Variants in RBM20 observed in about 807,000 individuals in gnomAD.
RBM20 encodes RNA-binding protein 20.
Under a neutral mutation model 110.1 loss-of-function variants are expected in RBM20, and 51 were observed. The observed-to-expected ratio is 0.46, with a 90% CI of 0.37 to 0.59. The LOEUF is 0.59. Among genes scored for constraint, RBM20 ranks in the 20% least tolerant of loss-of-function variants. The pLI, the probability that RBM20 is intolerant of heterozygous loss-of-function variation, is 0.00. For synonymous variants in RBM20, 589 were observed against 618.2 expected (o/e 0.95, Z 0.70); for missense variants, 1,512 against 1,574.9 (o/e 0.96, Z 0.68).
intron 1 of RBM20, among the ~76,000 whole-genome samples, chr10:110,750,220 A>T (rs923675966): frequency 1.3e-5 from 2 of 152,232 alleles, no homozygotes; most frequent in African/African-American, 2.4e-5. Flanking sequence ...TGTTTAAAAA[A>T]TTTTTAAGAC....
rs1009554953 is a variant in RBM20, at chr10:110,678,111, G to T, written c.191+33466G>T. Among the ~76,000 whole-genome samples the T allele has an allele frequency of 6.6e-5, 10 of 152,042 alleles. No individual in the cohort carries two copies. In the East Asian group the frequency reaches 1.9e-3, roughly 29 times the overall value. On this transcript the variant is annotated intron_variant, in intron 1 of 13. Coordinates refer to ENST00000369519, the MANE Select transcript of RBM20 (RefSeq NM_001134363.3). ...TAGGTAACTATAAAACATAAACTGG[G>T]ATAAATAATATTAAGGAAAAGAAAG...
chr10:110,773,674 C>T (rs1844222770), intron 1 of RBM20, among the ~76,000 whole-genome samples: 1 of 152,154 alleles, frequency 6.6e-6, no homozygotes, highest in South Asian at 2.1e-4. Flanking sequence ...TAAGTCTTTC[C>T]TGTGATGACA....
At chr10:110,788,631 G>T (rs1401875978) in intron 5 of RBM20, among the ~76,000 whole-genome samples, 1 of 152,218 alleles carries the variant, frequency 6.6e-6, no homozygotes, top group Admixed American at 6.5e-5. Context: ...AGGTGTATCT[G>T]TCTTGAGGAA....
chr10:110,760,219 T>C (rs1590659588), intron 1 of RBM20, among the ~76,000 whole-genome samples: 1 of 152,182 alleles, frequency 6.6e-6, no homozygotes, highest in South Asian at 2.1e-4. Context: ...GTGCTTTGGC[T>C]TCATGTGTAA....
intron 12 of RBM20, among the ~76,000 whole-genome samples, chr10:110,825,663 T>A (rs574641389): frequency 6.6e-6 from 1 of 152,338 alleles, no homozygotes; most frequent in Non-Finnish European, 1.5e-5. Context: ...AAATATTCCA[T>A]CGTAAAAGCT....
chr10:110,798,053 C>T (rs1400881030), intron 6 of RBM20, among the ~76,000 whole-genome samples: 1 of 152,198 alleles, frequency 6.6e-6, no homozygotes, highest in East Asian at 1.9e-4. Context: ...CAGCCAAGAA[C>T]TTGGGACTAG....
In RBM20 at chr10:110,698,079, T is replaced by C. The variant is rs182115842; in HGVS notation, c.191+53434T>C. Among the ~76,000 whole-genome samples the C allele has an allele frequency of 3.9e-5, 6 of 152,216 alleles. No homozygotes were observed. In the East Asian group the frequency reaches 1.2e-3, roughly 29 times the overall value. ...CCCACCAACACGCCCGGCTAATTTT[T>C]TTGTATTTTTAGTAGAGACGGGGTT... is the stretch of plus-strand genomic sequence containing the variant. On this transcript the variant is annotated intron_variant, in intron 1 of 13. Coordinates refer to ENST00000369519, the MANE Select transcript of RBM20 (RefSeq NM_001134363.3).
intron 1 of RBM20, among the ~76,000 whole-genome samples, chr10:110,745,014 G>C (rs910738108): frequency 6.6e-6 from 1 of 152,190 alleles, no homozygotes; most frequent in Non-Finnish European, 1.5e-5. Flanking sequence ...CCCTGGGGGT[G>C]CTGGCATCTT....
rs746776894 is a variant in RBM20 at position 110,781,008 on chromosome 10, C to T, written c.399C>T (p.Leu133=). 7 of 1,551,790 alleles carry T rather than the reference C, an allele frequency of 4.5e-6. No individual in the cohort carries two copies. The African/African-American group carries it at 9.6e-5, about 21-fold the overall frequency. Residue 133 remains leucine, a synonymous_variant, in exon 2 of 14, where the codon CTC becomes CTT. Coordinates refer to ENST00000369519, the MANE Select transcript of RBM20 (RefSeq NM_001134363.3). ...VLSKVAMSQP[L]FNQLRHPSVI... is the part of the protein sequence containing the mutation. ...CCAAAGTGGCCATGTCCCAGCCTCT[C>T]TTCAATCAACTGAGGCATCCGTCTG...
At chr10:110,746,100 A>G (rs1843776697) in intron 1 of RBM20, among the ~76,000 whole-genome samples, 1 of 152,180 alleles carries the variant, frequency 6.6e-6, no homozygotes. Flanking sequence ...GCTGGAATTC[A>G]TATGCGTGGG....
At chr10:110,733,072 T>G (rs1359637214) in intron 1 of RBM20, among the ~76,000 whole-genome samples, 1 of 152,168 alleles carries the variant, frequency 6.6e-6, no homozygotes, top group East Asian at 1.9e-4. Context: ...CCTTTCTGTC[T>G]CTGTCTCAGC....
At chr10:110,830,537 G>A (rs1230315889) in intron 12 of RBM20, among the ~76,000 whole-genome samples, 3 of 152,130 alleles carry the variant, frequency 2.0e-5, no homozygotes, top group Admixed American at 1.3e-4. Flanking sequence ...TTAATTATGT[G>A]GAAGAAAATA....
At chr10:110,671,099 C>A (rs946898551) in intron 1 of RBM20, among the ~76,000 whole-genome samples, 16 of 152,196 alleles carry the variant, frequency 1.1e-4, no homozygotes, top group African/African-American at 2.4e-5. Context: ...GGCCTAGAAA[C>A]GTCTCCAATC....
chr10:110,809,852 A>G (rs1401165928), intron 7 of RBM20, among the ~76,000 whole-genome samples: 3 of 152,166 alleles, frequency 2.0e-5, no homozygotes, highest in African/African-American at 7.2e-5. Flanking sequence ...AACCCAATAC[A>G]ACTCCAAGAG....
chr10:110,754,451 T>C (rs75824539), intron 1 of RBM20, among the ~76,000 whole-genome samples: 15,894 of 152,186 alleles, frequency 0.1, 1,090 homozygotes, highest in Non-Finnish European at 0.15. Context: ...ATTGTCCTCT[T>C]TTGGGACTCC....
At chr10:110,717,051 G>A (rs1863030347) in intron 1 of RBM20, among the ~76,000 whole-genome samples, 1 of 152,072 alleles carries the variant, frequency 6.6e-6, no homozygotes, top group African/African-American at 2.4e-5. Flanking sequence ...TTTGCATAAA[G>A]AAATGTTTGA....
intron 1 of RBM20, among the ~76,000 whole-genome samples, chr10:110,715,845 G>A (rs2093186074): frequency 6.6e-6 from 1 of 152,160 alleles, no homozygotes; most frequent in Non-Finnish European, 1.5e-5. Flanking sequence ...CCTGGAGATA[G>A]CATCACGTCT....
chr10:110,803,954 T>G (rs1162953107), intron 7 of RBM20, among the ~76,000 whole-genome samples: 1 of 152,070 alleles, frequency 6.6e-6, no homozygotes. Context: ...CGCTGCCTTC[T>G]GCTCTTTTGG....
chr10:110,706,023 G>A (rs772418580), intron 1 of RBM20, among the ~76,000 whole-genome samples: 1 of 151,952 alleles, frequency 6.6e-6, no homozygotes, highest in Non-Finnish European at 1.5e-5. Context: ...GGCGTTTGCA[G>A]TGAGCCAGAA....
Sources: gnomAD v4.1 joint callset for allele counts (sites outside exome capture counted in the v4.1 genomes callset) on GRCh38, gnomAD v4.1.1 for gene constraint, MANE v1.5 for transcripts, NCBI Gene and HGNC (gene_info 2026-07-23, HGNC 2026-07-21) for gene names.